The following NAA15 variants were observed in gnomAD, a reference collection of about 807,000 sequenced individuals.
The protein encoded by NAA15 is N-terminal acetyltransferase.
A neutral mutation model predicts 114.0 loss-of-function variants in NAA15; 34 were observed. That is an observed-to-expected ratio of 0.30 (90% CI 0.23 to 0.40). The LOEUF is 0.40. Ranked by LOEUF, NAA15 falls within the 10% of genes least tolerant of loss-of-function variation. The probability of loss-of-function intolerance (pLI) is 1.00; values close to 1 mark genes in which losing one functional copy is unlikely to be tolerated. For missense variants in NAA15, 658 were observed against 1,004.5 expected (o/e 0.66, Z 4.66); for synonymous variants, 340 against 338.0 (o/e 1.01, Z -0.06).
intron 6 of NAA15, among the ~76,000 whole-genome samples, chr4:139,348,075 TCTCA>T (rs1377230055): frequency 6.6e-6 from 1 of 151,268 alleles, no homozygotes; most frequent in Non-Finnish European, 1.5e-5. Context: ...ACTTAAGTCC[TCTCA>T]GTTTTAAAGT....
chr4:139,351,209 TA>T lies in NAA15; in HGVS notation c.835del (p.Ile279PhefsTer20). On this transcript the variant is annotated frameshift_variant, in exon 8 of 20. Coordinates refer to ENST00000296543, the MANE Select transcript of NAA15 (RefSeq NM_057175.5). LOFTEE classifies it high-confidence loss of function. ...TTTGCAGCTAATATGTTAGAACGGC[TA>T]AAAATTTATGAGGAAGCCTGGACTA... ...ALKPANMLER[L>X]KIYEEAWTKY... The T allele has an allele frequency of 6.3e-7, 1 of 1,599,906 alleles. No homozygotes were observed. The highest frequency in any genetic ancestry group is 1.1e-5 in the South Asian group (1 of 87,126).
chr4:139,357,561 A>G lies in NAA15; in HGVS notation c.1257+6A>G, dbSNP rs1579120157. The G allele has an allele frequency of 6.4e-7, 1 of 1,569,828 alleles. No homozygotes were observed. The highest frequency in any genetic ancestry group is 8.7e-7 in the Non-Finnish European group (1 of 1,148,972). On this transcript the variant is annotated splice_donor_region_variant and intron_variant, in intron 11 of 19. Coordinates refer to ENST00000296543, the MANE Select transcript of NAA15 (RefSeq NM_057175.5). ...TGAAAGCTAAAATCTATAAGGTAAA[A>G]ATCTTTTTTTCTATTTTCTTATAAG...
chr4:139,313,901 C>T (rs1214326769), intron 1 of NAA15, among the ~76,000 whole-genome samples: 2 of 151,702 alleles, frequency 1.3e-5, no homozygotes, highest in African/African-American at 4.9e-5. Context: ...CATGGAGATT[C>T]CTAAAAGTCG....
At chr4:139,380,905 G>A (rs1474942543) in intron 17 of NAA15, among the ~76,000 whole-genome samples, 1 of 152,010 alleles carries the variant, frequency 6.6e-6, no homozygotes, top group African/African-American at 2.4e-5. Context: ...AAAATATTTG[G>A]TACTTTAAAA....
intron 14 of NAA15, among the ~76,000 whole-genome samples, chr4:139,366,409 G>A (rs1333722959): frequency 1.3e-5 from 2 of 152,234 alleles, no homozygotes; most frequent in South Asian, 2.1e-4. Context: ...GAGAAAGGAA[G>A]AAGCTGCAAC....
chr4:139,369,563 C>A (rs936297442), intron 14 of NAA15, among the ~76,000 whole-genome samples: 3 of 151,904 alleles, frequency 2.0e-5, no homozygotes, highest in Admixed American at 6.6e-5. Flanking sequence ...CATGGTGAAA[C>A]CCCGTCTCTA....
chr4:139,333,411 C>T (rs62323077), intron 1 of NAA15, among the ~76,000 whole-genome samples: 2 of 151,942 alleles, frequency 1.3e-5, no homozygotes, highest in South Asian at 2.1e-4. Context: ...TTTTTTTCCC[C>T]TCTCTGGAAG....
At chr4:139,367,219 G>T (rs934037295) in intron 14 of NAA15, among the ~76,000 whole-genome samples, 1 of 152,130 alleles carries the variant, frequency 6.6e-6, no homozygotes, top group African/African-American at 2.4e-5. Flanking sequence ...GAGTTACCAC[G>T]TCCATCCTCA....
chr4:139,363,063 A>G lies in NAA15; in HGVS notation c.1753+1126A>G, dbSNP rs113584769. On this transcript the variant is annotated intron_variant, in intron 14 of 19. Transcript: ENST00000296543. ...TAAGGTCACATACTGAAGCCTTTGT[A>G]CAGATATCACTTGAATCTCTTTCTA... 7.9e-3 allele frequency among the ~76,000 whole-genome samples: 1,202 copies of G among 152,314 alleles called. 16 individuals are homozygous for G. Among genetic ancestry groups the G allele is most frequent in the African/African-American group, 0.027 (1,109 of 41,558 alleles).
At chr4:139,307,435 T>A (rs1287888260) in intron 1 of NAA15, among the ~76,000 whole-genome samples, 1 of 152,102 alleles carries the variant, frequency 6.6e-6, no homozygotes, top group Non-Finnish European at 1.5e-5. Flanking sequence ...CCTGGCTAAT[T>A]TTTGTATTTT....
rs142629797 is a variant in NAA15 at position 139,307,456 on chromosome 4, G to A, written c.54+5625G>A. On this transcript the variant is annotated intron_variant, in intron 1 of 19. Transcript: ENST00000296543. ...TAATTTTTGTATTTTTGGTAGAGACGGGGTTTCGCCATGTTGGCCAGGCTA... is the reference window on the plus strand; with the variant it reads ...TAATTTTTGTATTTTTGGTAGAGACAGGGTTTCGCCATGTTGGCCAGGCTA... Among the ~76,000 whole-genome samples, 1,295 of 152,198 alleles carry A rather than the reference G, an allele frequency of 8.5e-3. 18 individuals are homozygous for A. Among genetic ancestry groups the A allele is most frequent in the African/African-American group, 0.03 (1,237 of 41,514 alleles).
Position 139,386,216 on chromosome 4 carries a change from A to G in NAA15, c.2386A>G (p.Asn796Asp), listed in dbSNP as rs539610746. Residue 796 changes from asparagine (N) to aspartate (D), a missense_variant, in exon 19 of 20, where the codon AAC becomes GAC. Transcript: ENST00000296543. ...AACAACACTTGATGAATCTCTCACT[A>G]ACAGAAACCTCCAGGTAAAGAGTTT... ...LATTLDESLT[N>D]RNLQTCMEVL... 106 of 1,598,976 alleles carry G rather than the reference A, an allele frequency of 6.6e-5. 2 individuals carry two copies. The South Asian group carries it at 1.0e-3, about 16-fold the overall frequency.
At chr4:139,368,630 G>A (rs1164521793) in intron 14 of NAA15, among the ~76,000 whole-genome samples, 2 of 152,008 alleles carry the variant, frequency 1.3e-5, no homozygotes, top group African/African-American at 4.8e-5. Flanking sequence ...GTCCATTTAT[G>A]TCCTAATATT....
At chr4:139,333,640 G>T (rs1747104326) in intron 1 of NAA15, among the ~76,000 whole-genome samples, 1 of 152,208 alleles carries the variant, frequency 6.6e-6, no homozygotes, top group Non-Finnish European at 1.5e-5. Flanking sequence ...CCCTGGGGAG[G>T]CCGAGGTGGG....
chr4:139,390,554 T>C lies in NAA15; in HGVS notation c.*2470T>C, dbSNP rs1749033923. The C allele has an allele frequency of 6.5e-6, 1 of 152,688 alleles. No individual in the cohort carries two copies. The highest frequency in any genetic ancestry group is 1.5e-5 in the Non-Finnish European group (1 of 68,046). 9.5% of individuals were successfully genotyped at this position (152,688 alleles called of 1,614,324 possible). ...GTGCCTTATGTTTATTGCTAAGAAC[T>C]GGTGTTACCAACCCTTTTGAGAAGA... is the stretch of plus-strand genomic sequence containing the variant. On this transcript the variant is annotated 3_prime_UTR_variant, in exon 20 of 20. Transcript: ENST00000296543.
chr4:139,313,242 CTT>C (rs1457430574), intron 1 of NAA15, among the ~76,000 whole-genome samples: 1 of 151,762 alleles, frequency 6.6e-6, no homozygotes, highest in African/African-American at 2.4e-5. Context: ...AATTCAAAAA[CTT>C]TTTTTTCCTC....
intron 1 of NAA15, among the ~76,000 whole-genome samples, chr4:139,326,023 T>C (rs200735714): frequency 1.3e-5 from 2 of 152,354 alleles, no homozygotes; most frequent in East Asian, 3.9e-4. Context: ...ATGAAAACTT[T>C]CTTGTTAAAA....
intron 17 of NAA15, among the ~76,000 whole-genome samples, chr4:139,379,830 G>T (rs1025394876): frequency 1.3e-5 from 2 of 152,092 alleles, no homozygotes; most frequent in African/African-American, 2.4e-5. Flanking sequence ...GATCACTTGC[G>T]GTCAGGAGTT....
chr4:139,314,195 T>C (rs1442079496), intron 1 of NAA15, among the ~76,000 whole-genome samples: 1 of 151,932 alleles, frequency 6.6e-6, no homozygotes, highest in East Asian at 1.9e-4. Context: ...TTATCTGAAA[T>C]CTGATGGTAA....
Sources: allele counts gnomAD v4.1 joint callset (sites outside exome capture counted in the v4.1 genomes callset), GRCh38; gene constraint gnomAD v4.1.1; transcripts MANE v1.5; gene names NCBI Gene and HGNC (gene_info 2026-07-23, HGNC 2026-07-21).